Variants in CCDC171 observed in about 807,000 individuals in gnomAD.
The protein encoded by CCDC171 is coiled-coil domain-containing protein 171.
A neutral mutation model predicts 168.2 loss-of-function variants in CCDC171; 177 were observed. The ratio of observed to expected loss-of-function variants is 1.05; its 90% CI spans 0.93 to 1.19. CCDC171 has a LOEUF of 1.19. CCDC171 is among the 50% of genes most tolerant of loss of function. CCDC171 has a pLI of 0.00. For synonymous variants in CCDC171, 687 were observed against 540.8 expected, an observed-to-expected ratio of 1.27 and a Z score of -3.75; for missense variants, 1,991 against 1,539.0, an observed-to-expected ratio of 1.29 and a Z score of -4.91.
intron 24 of CCDC171, among the ~76,000 whole-genome samples, chr9:15,906,752 A>G (rs1336666659): frequency 1.3e-5 from 2 of 152,200 alleles, no homozygotes; most frequent in Admixed American, 6.5e-5. Context: ...TGCAGACGAC[A>G]TGATTGTATA....
intron 6 of CCDC171, among the ~76,000 whole-genome samples, chr9:15,611,240 T>C (rs1402118754): frequency 6.6e-6 from 1 of 152,218 alleles, no homozygotes. Flanking sequence ...ATGCTTCCTG[T>C]ACAGCCTGCA....
At chr9:15,850,416 A>C (rs1333491745) in intron 23 of CCDC171, 1 of 151,960 alleles carries the variant, frequency 6.6e-6, no homozygotes, top group African/African-American at 2.4e-5. Context: ...ACAGTTCTTC[A>C]GTTGTAGTTC....
At chr9:15,553,877 A>G (rs2038552235) in intron 1 of CCDC171, among the ~76,000 whole-genome samples, 1 of 151,276 alleles carries the variant, frequency 6.6e-6, no homozygotes, top group African/African-American at 2.4e-5. Context: ...AAGAAAATAC[A>G]TATTTCATGT....
chr9:15,952,149 A>G (rs551642279), intron 25 of CCDC171, among the ~76,000 whole-genome samples: 17 of 152,210 alleles, frequency 1.1e-4, no homozygotes, highest in South Asian at 4.1e-4. Context: ...TTTTTTCCCC[A>G]TTAAATGGTG....
At chr9:16,057,879 C>G (rs912428765) in intron 1 of CCDC171, among the ~76,000 whole-genome samples, 8 of 152,184 alleles carry the variant, frequency 5.3e-5, no homozygotes, top group Admixed American at 2.0e-4. Context: ...ACACCTCCCT[C>G]TATGCCCTTG....
chr9:15,827,292 T>C (rs984369998), intron 21 of CCDC171, among the ~76,000 whole-genome samples: 1 of 152,138 alleles, frequency 6.6e-6, no homozygotes, highest in East Asian at 1.9e-4. Flanking sequence ...GTGGGTGTGG[T>C]TGGTTATTCC....
chr9:15,904,750 C>T (rs1224328071), intron 24 of CCDC171, among the ~76,000 whole-genome samples: 1 of 151,874 alleles, frequency 6.6e-6, no homozygotes, highest in Non-Finnish European at 1.5e-5. Context: ...AGTCAAGACC[C>T]ATCAGTGTGC....
the CCDC171 span, among the ~76,000 whole-genome samples, chr9:16,067,577 C>A: frequency 1.3e-5 from 2 of 152,174 alleles, no homozygotes; most frequent in Non-Finnish European, 2.9e-5. Context: ...GTTTTCTTCT[C>A]TGGTTTTTAT....
intron 25 of CCDC171, among the ~76,000 whole-genome samples, chr9:15,943,280 A>G (rs1827929268): frequency 6.6e-6 from 1 of 152,012 alleles, no homozygotes; most frequent in Non-Finnish European, 1.5e-5. Flanking sequence ...AAATGTCAAA[A>G]GACTTTTTCT....
At position 15,920,532 on chromosome 9, in the gene CCDC171, A is replaced by C; in HGVS notation, c.3753+110A>C. 4.0e-6 allele frequency: 3 copies of C among 751,658 alleles called. No individual in the cohort carries two copies. In the Middle Eastern group the frequency reaches 8.5e-4, roughly 214 times the overall value. The allele number at this position is 751,658 out of a possible 1,614,324, so 46.6% of individuals were successfully genotyped here. On this transcript the variant is annotated intron_variant, in intron 25 of 25. Transcript: ENST00000380701. ...TTTGCCAATATATATAATTTAGGGT[A>C]AATGATCAATCAAGTGACATAAAAT...
chr9:15,834,609 G>A (rs9407658), intron 21 of CCDC171, among the ~76,000 whole-genome samples: 66,092 of 152,028 alleles, frequency 0.43, 14,560 homozygotes, highest in Non-Finnish European at 0.46. Flanking sequence ...TTGATCTTAT[G>A]GAGTGCTGGC....
At chr9:15,637,792 C>T (rs544692515) in intron 7 of CCDC171, among the ~76,000 whole-genome samples, 30 of 152,130 alleles carry the variant, frequency 2.0e-4, no homozygotes, top group African/African-American at 7.2e-4. Flanking sequence ...CTACAAAGGA[C>T]ATGAACTCAT....
At chr9:15,694,071 G>A (rs1285707449) in intron 10 of CCDC171, among the ~76,000 whole-genome samples, 2 of 152,172 alleles carry the variant, frequency 1.3e-5, no homozygotes, top group Non-Finnish European at 1.5e-5. Context: ...CAATTGGCAT[G>A]ATTGACAACT....
chr9:15,587,180 G>T (rs1335507849), intron 4 of CCDC171, among the ~76,000 whole-genome samples: 2 of 152,150 alleles, frequency 1.3e-5, no homozygotes, highest in African/African-American at 4.8e-5. Flanking sequence ...TATGCCGGAT[G>T]TTGGAGGACT....
chr9:15,974,575 A>T (rs1831565455), downstream of CCDC171, among the ~76,000 whole-genome samples: 2 of 152,198 alleles, frequency 1.3e-5, no homozygotes, highest in Non-Finnish European at 2.9e-5. Context: ...TCTTAAAGTT[A>T]TTGTTCTGAT....
At chr9:15,846,547 T>C (rs2060902012) in intron 21 of CCDC171, among the ~76,000 whole-genome samples, 155 bp from the exon 22 acceptor site, 1 of 152,108 alleles carries the variant, frequency 6.6e-6, no homozygotes, top group Non-Finnish European at 1.5e-5. Flanking sequence ...AGTACGTATA[T>C]AAAATTTTTG....
At chr9:15,862,772 G>T (rs1335783205) in intron 23 of CCDC171, among the ~76,000 whole-genome samples, 5 of 151,956 alleles carry the variant, frequency 3.3e-5, no homozygotes, top group African/African-American at 9.7e-5. Flanking sequence ...CTTCTTAAAG[G>T]CTCCAGGGTT....
intron 24 of CCDC171, among the ~76,000 whole-genome samples, chr9:15,880,602 A>G (rs1261537906): frequency 6.7e-6 from 1 of 148,254 alleles, no homozygotes; most frequent in African/African-American, 2.5e-5. Context: ...GACTGCAGGC[A>G]TGTGCCACCA....
Position 15,578,942 on chromosome 9 carries a change from G to C in CCDC171, c.271G>C (p.Ala91Pro). The C allele has an allele frequency of 1.9e-5, 31 of 1,614,102 alleles. No individual in the cohort carries two copies. Among genetic ancestry groups the C allele is most frequent in the Non-Finnish European group, 2.6e-5 (31 of 1,179,978 alleles). The change falls in exon 4 of 26, where the codon GCT becomes CCT. Residue 91 changes from alanine (A) to proline (P), a missense_variant. Transcript: ENST00000380701. ...RQSLEYDLAV[A>P]RKEAGLGRRA... ...AAGTCTGGAATATGACCTAGCTGTTGCTAGAAAGGAAGCTGGTCTTGGAAG... is the reference window on the plus strand; with the variant it reads ...AAGTCTGGAATATGACCTAGCTGTTCCTAGAAAGGAAGCTGGTCTTGGAAG...
Sources: allele counts gnomAD v4.1 joint callset (sites outside exome capture counted in the v4.1 genomes callset), GRCh38; gene constraint gnomAD v4.1.1; transcripts MANE v1.5; gene names NCBI Gene and HGNC (gene_info 2026-07-23, HGNC 2026-07-21).